DLGAP1: variants seen among roughly 807,000 people sequenced by gnomAD.
The protein encoded by DLGAP1 is DLG associated protein 1.
Under a neutral mutation model 90.8 loss-of-function variants are expected in DLGAP1, and 11 were observed. The observed-to-expected ratio is 0.12, with a 90% CI of 0.08 to 0.20. The LOEUF (loss-of-function observed/expected upper bound fraction) is 0.20. Ranked by LOEUF, DLGAP1 falls within the 10% of genes least tolerant of loss-of-function variation. DLGAP1 has a pLI of 1.00. For synonymous variants in DLGAP1, 558 were observed against 540.7 expected (o/e 1.03, Z -0.44); for missense variants, 1,050 against 1,333.8 (o/e 0.79, Z 3.31).
Position 4,016,493 on chromosome 18 carries a change from C to A in DLGAP1, c.-158-11292G>T, listed in dbSNP as rs551997068. Among the ~76,000 whole-genome samples the A allele has an allele frequency of 3.9e-5, 6 of 152,134 alleles. No individual in the cohort carries two copies. In the South Asian group the frequency reaches 1.2e-3, roughly 31 times the overall value. On this transcript the variant is annotated intron_variant, in intron 2 of 12. Coordinates refer to ENST00000315677, the MANE Select transcript of DLGAP1 (RefSeq NM_004746.4). ...AGAAGCTTCTAGAGAAGAATCTGAGCCACAACAGATTACCCTTGGGGAAGT... is the reference window on the plus strand; with the variant it reads ...AGAAGCTTCTAGAGAAGAATCTGAGACACAACAGATTACCCTTGGGGAAGT...
chr18:4,373,249 G>C (rs1286778526), intron 1 of DLGAP1, among the ~76,000 whole-genome samples: 1 of 152,120 alleles, frequency 6.6e-6, no homozygotes. Context: ...CTAAGAGAAA[G>C]TCATGAAGTC....
At chr18:3,819,449 T>A (rs374053210) in intron 4 of DLGAP1, among the ~76,000 whole-genome samples, 69 of 152,272 alleles carry the variant, frequency 4.5e-4, no homozygotes, top group African/African-American at 1.7e-3. Flanking sequence ...AAAAACCTTT[T>A]AAAAATATGT....
chr18:4,276,523 C>T (rs903075601), intron 1 of DLGAP1, among the ~76,000 whole-genome samples: 7 of 151,698 alleles, frequency 4.6e-5, no homozygotes, highest in African/African-American at 1.7e-4. Flanking sequence ...GTAATCCCAG[C>T]TACTTGGGAG....
At chr18:3,556,364 C>T (rs1282157551) in intron 9 of DLGAP1, among the ~76,000 whole-genome samples, 3 of 152,126 alleles carry the variant, frequency 2.0e-5, no homozygotes, top group Admixed American at 6.6e-5. Context: ...TCGTATCCAC[C>T]GTTGCATTAT....
intron 4 of DLGAP1, among the ~76,000 whole-genome samples, chr18:3,860,585 C>A (rs1485117946): frequency 6.6e-6 from 1 of 152,154 alleles, no homozygotes; most frequent in Non-Finnish European, 1.5e-5. Flanking sequence ...ACTTCATGGC[C>A]CTTGAACTGC....
At chr18:4,420,688 C>T (rs2083009391) in intron 1 of DLGAP1, among the ~76,000 whole-genome samples, 1 of 152,184 alleles carries the variant, frequency 6.6e-6, no homozygotes, top group Non-Finnish European at 1.5e-5. Flanking sequence ...TATCACACTA[C>T]TGGACTGTAG....
At chr18:4,289,583 A>G (rs912694322) in intron 1 of DLGAP1, among the ~76,000 whole-genome samples, 8 of 152,188 alleles carry the variant, frequency 5.3e-5, no homozygotes, top group Admixed American at 2.0e-4. Context: ...GAGATTTTCA[A>G]TGGAGGTGGT....
chr18:4,253,281 C>G (rs898872539), intron 1 of DLGAP1, among the ~76,000 whole-genome samples: 4 of 152,110 alleles, frequency 2.6e-5, no homozygotes, highest in African/African-American at 7.2e-5. Context: ...TGAAGAATTA[C>G]AAAAGAATAA....
At chr18:3,805,351 C>T (rs1423041251) in intron 5 of DLGAP1, among the ~76,000 whole-genome samples, 1 of 152,208 alleles carries the variant, frequency 6.6e-6, no homozygotes, top group East Asian at 1.9e-4. Context: ...ACATTTGGAA[C>T]TTTGTGCCTA....
intron 4 of DLGAP1, among the ~76,000 whole-genome samples, chr18:3,816,530 A>G (rs553418730): frequency 3.9e-5 from 6 of 152,328 alleles, no homozygotes; most frequent in Admixed American, 3.9e-4. Context: ...GTAGGTTCTA[A>G]TTCTGAAAAG....
In DLGAP1 at chr18:4,334,944, T is replaced by C. The variant is rs982895589; in HGVS notation, c.-267+120062A>G. Among the ~76,000 whole-genome samples the C allele has an allele frequency of 2.0e-5, 3 of 152,056 alleles. No individual in the cohort carries two copies. In the East Asian group the frequency reaches 5.8e-4, roughly 29 times the overall value. ...AGAGAAATCCTAACAAGCTTGGTAG[T>C]ATTTACATTTGGCTTTGAACAATTG... is the stretch of plus-strand genomic sequence containing the variant. On this transcript the variant is annotated intron_variant, in intron 1 of 12. Coordinates refer to ENST00000315677, the MANE Select transcript of DLGAP1 (RefSeq NM_004746.4).
At chr18:3,897,498 A>G (rs1713242798) in intron 3 of DLGAP1, among the ~76,000 whole-genome samples, 1 of 152,208 alleles carries the variant, frequency 6.6e-6, no homozygotes, top group African/African-American at 2.4e-5. Flanking sequence ...CCAAAAGTCC[A>G]TGGCTTCATG....
intron 7 of DLGAP1, among the ~76,000 whole-genome samples, chr18:3,706,564 C>CGA (rs1472366815): frequency 6.6e-6 from 1 of 152,182 alleles, no homozygotes; most frequent in African/African-American, 2.4e-5. Context: ...AAAGCTTTCT[C>CGA]ACCAAAGCTT....
intron 9 of DLGAP1, among the ~76,000 whole-genome samples, chr18:3,535,482 C>T (rs1051028974): frequency 2.6e-5 from 4 of 151,366 alleles, no homozygotes; most frequent in South Asian, 2.1e-4. Flanking sequence ...CTGAGGCGGG[C>T]GGATCACAAG....
chr18:3,918,336 A>C (rs552147266), intron 3 of DLGAP1, among the ~76,000 whole-genome samples: 1 of 152,322 alleles, frequency 6.6e-6, no homozygotes, highest in South Asian at 2.1e-4. Context: ...CAGCACACAG[A>C]ATAATTCTAA....
chr18:3,957,463 G>A (rs1246874163), intron 3 of DLGAP1, among the ~76,000 whole-genome samples: 1 of 152,100 alleles, frequency 6.6e-6, no homozygotes, highest in African/African-American at 2.4e-5. Context: ...TGTTATAGCA[G>A]CACTAGGAAA....
chr18:4,104,566 G>A (rs546689039), intron 2 of DLGAP1, among the ~76,000 whole-genome samples: 11 of 151,974 alleles, frequency 7.2e-5, no homozygotes, highest in Non-Finnish European at 1.2e-4. Flanking sequence ...CTCTAGTATT[G>A]TTTATTTTTT....
At chr18:3,861,334 T>C (rs1317592847) in intron 4 of DLGAP1, among the ~76,000 whole-genome samples, 1 of 152,206 alleles carries the variant, frequency 6.6e-6, no homozygotes, top group East Asian at 1.9e-4. Flanking sequence ...ACTGTCATCA[T>C]AAGGAAGAAG....
chr18:3,614,419 G>C (rs1200433391), intron 7 of DLGAP1, among the ~76,000 whole-genome samples: 5 of 152,112 alleles, frequency 3.3e-5, no homozygotes, highest in African/African-American at 7.2e-5. Flanking sequence ...TGGGTCAAAA[G>C]AAATGATCTC....
Sources: allele counts gnomAD v4.1 joint callset (sites outside exome capture counted in the v4.1 genomes callset), GRCh38; gene constraint gnomAD v4.1.1; transcripts MANE v1.5; gene names NCBI Gene and HGNC (gene_info 2026-07-23, HGNC 2026-07-21).